The following ARNT variants were observed in gnomAD, a reference collection of about 807,000 sequenced individuals.
ARNT encodes aryl hydrocarbon receptor nuclear translocator, also known as class E basic helix-loop-helix protein 2.
Under a neutral mutation model 105.0 loss-of-function variants are expected in ARNT, and 30 were observed. The ratio of observed to expected loss-of-function variants is 0.29; its 90% CI spans 0.21 to 0.39. ARNT has a LOEUF of 0.39. Among genes scored for constraint, ARNT ranks in the 10% least tolerant of loss-of-function variants. The pLI, the probability that ARNT is intolerant of heterozygous loss-of-function variation, is 1.00. For synonymous variants in ARNT, 304 were observed against 344.0 expected, an observed-to-expected ratio of 0.88 and a Z score of 1.29; for missense variants, 748 against 978.7, an observed-to-expected ratio of 0.76 and a Z score of 3.15.
Position 150,834,626 on chromosome 1 carries a change from G to C in ARNT, c.715C>G (p.Leu239Val). The C allele has an allele frequency of 6.2e-7, 1 of 1,613,906 alleles. No homozygotes were observed. The highest frequency in any genetic ancestry group is 1.3e-5 in the African/African-American group (1 of 75,004). ...ENALTGRILD[L>V]KTGTVKKEGQ... ...TCCTTTTTCACTGTTCCAGTCTTTA[G>C]ATCCAGGATACGCCCTGAAGGAAGA... Residue 239 changes from leucine (L) to valine (V), a missense_variant, in exon 8 of 22, where the codon CTA (leucine) becomes GTA (valine). Physicochemically the swap from Leu to Val is conservative, Grantham distance 32. This residue lies in a region of ARNT where 291 missense variants were observed against 444.6 expected (regional missense o/e 0.65). Coordinates refer to ENST00000358595, the MANE Select transcript of ARNT (RefSeq NM_001668.4).
intron 1 of ARNT, among the ~76,000 whole-genome samples, chr1:150,875,124 A>T (rs999431388): frequency 9.2e-5 from 14 of 152,198 alleles, no homozygotes; most frequent in African/African-American, 3.4e-4. Context: ...TATTTATTCC[A>T]TAGTTCACAG....
intron 1 of ARNT, among the ~76,000 whole-genome samples, chr1:150,866,686 C>G (rs1035190040): frequency 6.0e-5 from 9 of 150,338 alleles, no homozygotes; most frequent in African/African-American, 2.3e-4. Flanking sequence ...TGTATGTATA[C>G]ACACATACAT....
In ARNT at chr1:150,872,870, G is replaced by A. The variant is rs1035379063; in HGVS notation, c.25+3673C>T. Among the ~76,000 whole-genome samples the A allele has an allele frequency of 2.0e-5, 3 of 152,296 alleles. 1 individual carries two copies. Among genetic ancestry groups the A allele is most frequent in the Admixed American group, 2.0e-4 (3 of 15,300 alleles). ...CCACCTACTCAGGAGGCTGAAGTGGGAGGATCACATGCTCCCAGAAGGTCA... is the reference window on the plus strand; with the variant it reads ...CCACCTACTCAGGAGGCTGAAGTGGAAGGATCACATGCTCCCAGAAGGTCA... On this transcript the variant is annotated intron_variant, in intron 1 of 21. Coordinates refer to ENST00000358595, the MANE Select transcript of ARNT (RefSeq NM_001668.4).
chr1:150,853,117 C>T (rs952098720), intron 2 of ARNT: 8 of 336,640 alleles, frequency 2.4e-5, no homozygotes, highest in Non-Finnish European at 4.0e-5. Context: ...CCCATCTCTA[C>T]TAAAAATACA....
chr1:150,822,008 T>C (rs763048863), intron 14 of ARNT, among the ~76,000 whole-genome samples: 12 of 151,946 alleles, frequency 7.9e-5, no homozygotes, highest in Non-Finnish European at 1.5e-4. Flanking sequence ...TTTTACTTTT[T>C]ATAATAGATT....
At chr1:150,815,050 T>A (rs188387198) in intron 19 of ARNT, among the ~76,000 whole-genome samples, 3 of 152,130 alleles carry the variant, frequency 2.0e-5, no homozygotes, top group Admixed American at 6.5e-5. Flanking sequence ...ATGGTTAACA[T>A]GTTTGGATAA....
intron 3 of ARNT, among the ~76,000 whole-genome samples, chr1:150,849,671 G>C: frequency 6.6e-6 from 1 of 152,164 alleles, no homozygotes; most frequent in Non-Finnish European, 1.5e-5. Context: ...ACTGAGGTGG[G>C]AGGATCGCTT....
intron 1 of ARNT, among the ~76,000 whole-genome samples, chr1:150,866,320 C>T (rs1666587449): frequency 6.6e-6 from 1 of 152,130 alleles, no homozygotes; most frequent in East Asian, 1.9e-4. Flanking sequence ...AGCATGACTA[C>T]TGAGAAAAAA....
intron 13 of ARNT, among the ~76,000 whole-genome samples, chr1:150,825,017 A>G (rs1376246743): frequency 5.3e-5 from 8 of 151,954 alleles, no homozygotes; most frequent in African/African-American, 9.7e-5. Context: ...ATGAGCCACC[A>G]TACCCGGCTA....
intron 2 of ARNT, 70 bp from the exon 3 acceptor site, chr1:150,852,876 C>T (rs1235999513): frequency 1.3e-5 from 21 of 1,576,696 alleles, no homozygotes; most frequent in Non-Finnish European, 1.8e-5. Context: ...TAAAATTTCT[C>T]AACACAAGCT....
At chr1:150,823,549 A>T (rs1269937298) in intron 13 of ARNT, among the ~76,000 whole-genome samples, 1 of 143,006 alleles carries the variant, frequency 7.0e-6, no homozygotes, top group Non-Finnish European at 1.5e-5. Flanking sequence ...TCAGAGACTT[A>T]AGCTTTTTTT....
At chr1:150,858,303 T>C (rs374503314) in intron 2 of ARNT, 46 bp downstream of exon 2, 2 of 1,411,506 alleles carry the variant, frequency 1.4e-6, no homozygotes, top group East Asian at 2.4e-5. Context: ...GCAACTAAAG[T>C]TGGTTTATAG....
chr1:150,816,999 GA>G (rs1656022285), intron 17 of ARNT, 82 bp downstream of exon 17: 4 of 1,605,290 alleles, frequency 2.5e-6, no homozygotes, highest in Non-Finnish European at 3.4e-6. Context: ...AAAAACACTG[GA>G]AGATTACTGA....
Position 150,810,632 on chromosome 1 carries a change from T to A in ARNT, c.*1389A>T, listed in dbSNP as rs587738877. ...CTTTAGCTACTGGCCAAAGCCAATT[T>A]AAAAAAAAAAAAAAAAAAGCTGGTA... On this transcript the variant is annotated 3_prime_UTR_variant, in exon 22 of 22. Transcript: ENST00000358595. 5.8e-4 allele frequency: 94 copies of A among 162,822 alleles called. No individual in the cohort carries two copies. The South Asian group carries it at 9.3e-3, about 16-fold the overall frequency. The allele number at this position is 162,822 out of a possible 1,614,324, so 10.1% of individuals were successfully genotyped here.
In ARNT at chr1:150,818,045, T is replaced by A. The variant is rs371321537; in HGVS notation, c.1395-15A>T. Reference sequence around the variant, plus strand: ...GGCTAGAGTTCCTAGGAAACCAGAGTAGACAGTAAAGAGGGGGTGGAGAGG... The same window carrying A: ...GGCTAGAGTTCCTAGGAAACCAGAGAAGACAGTAAAGAGGGGGTGGAGAGG... On this transcript the variant is annotated splice_polypyrimidine_tract_variant and intron_variant, in intron 14 of 21. Transcript: ENST00000358595. The A allele has an allele frequency of 6.7e-7, 1 of 1,485,958 alleles. No individual in the cohort carries two copies. The highest frequency in any genetic ancestry group is 9.1e-7 in the Non-Finnish European group (1 of 1,103,878). The allele number at this position is 1,485,958 out of a possible 1,614,324, so 92.0% of individuals were successfully genotyped here.
At chr1:150,821,486 G>A (rs945790144) in intron 14 of ARNT, among the ~76,000 whole-genome samples, 1 of 152,154 alleles carries the variant, frequency 6.6e-6, no homozygotes. Flanking sequence ...GGCAACAATT[G>A]AGCAATAGGT....
chr1:150,843,520 TGAA>T (rs1389627405), intron 4 of ARNT, among the ~76,000 whole-genome samples: 2 of 152,176 alleles, frequency 1.3e-5, no homozygotes, highest in Non-Finnish European at 2.9e-5. Flanking sequence ...ACAGTAACAA[TGAA>T]GAAGAATGTA....
At chr1:150,875,833 T>C (rs954994675) in intron 1 of ARNT, among the ~76,000 whole-genome samples, 8 of 152,238 alleles carry the variant, frequency 5.3e-5, no homozygotes, top group Non-Finnish European at 8.8e-5. Context: ...TGCCTCGACG[T>C]AGGCCTAACA....
intron 13 of ARNT, among the ~76,000 whole-genome samples, chr1:150,824,242 A>G (rs1657731200): frequency 6.6e-6 from 1 of 151,732 alleles, no homozygotes; most frequent in South Asian, 2.1e-4. Flanking sequence ...CCAACCTAAT[A>G]CTATTCTAGT....
Sources: gnomAD v4.1 joint callset for allele counts (sites outside exome capture counted in the v4.1 genomes callset) on GRCh38, gnomAD v4.1.1 for gene constraint, gnomAD v4.1.1 regional missense constraint, MANE v1.5 for transcripts, NCBI Gene and HGNC (gene_info 2026-07-23, HGNC 2026-07-21) for gene names.